Variants in MYO15B observed in about 807,000 individuals in gnomAD.
MYO15B encodes the protein myosin XVB pseudogene.
In MYO15B, 207 loss-of-function variants were observed where a neutral mutation model predicts 119.3. The observed-to-expected ratio is 1.73, with a 90% CI of 1.55 to 1.95. The LOEUF (loss-of-function observed/expected upper bound fraction) is 1.95, where lower values mean the gene tolerates loss of function less well. Ranked by LOEUF, MYO15B falls within the 30% of genes most tolerant of loss-of-function variation. MYO15B has a pLI of 0.00. For synonymous variants in MYO15B, 966 were observed against 498.9 expected, an observed-to-expected ratio of 1.94 and a Z score of -12.48; for missense variants, 2,264 against 1,203.1, an observed-to-expected ratio of 1.88 and a Z score of -13.04.
At chr17:75,596,216 G>A (rs1206503069) in intron 12 of MYO15B, among the ~76,000 whole-genome samples, 3 of 152,198 alleles carry the variant, frequency 2.0e-5, no homozygotes, top group Admixed American at 2.0e-4. Context: ...GTGACAAGAG[G>A]CCCAAAGGCT....
chr17:75,608,501 G>A lies in MYO15B; in HGVS notation c.4293-1665G>A, dbSNP rs541118246. Among the ~76,000 whole-genome samples, 23 of 152,054 alleles carry A rather than the reference G, an allele frequency of 1.5e-4. 1 individual carries two copies. In the South Asian group the frequency reaches 4.8e-3, roughly 32 times the overall value. On this transcript the variant is annotated intron_variant, in intron 21 of 63. Coordinates refer to ENST00000645453, the Ensembl canonical transcript of MYO15B. ...CTTGCTATATCATCCAAGTTGGAGT[G>A]CAGCTGGGTCACACCTGTAATCCCA...
chr17:75,615,623 G>A (rs906326682), intron 35 of MYO15B, 23 bp downstream of exon 35: 2 of 683,722 alleles, frequency 2.9e-6, no homozygotes, highest in Middle Eastern at 4.7e-4. Flanking sequence ...AGGGCCCTGG[G>A]GCCACCTGGT....
At chr17:75,615,263 C>G in exon 34 of MYO15B, 2 of 702,656 alleles carry the variant, frequency 2.8e-6, no homozygotes, top group Non-Finnish European at 5.2e-6. Context: ...GATTCAGATG[C>G]CTGCATACCA....
rs1330944846 is a variant in MYO15B at position 75,617,795 on chromosome 17, C to A, written c.6815-15C>A. On this transcript the variant is annotated splice_polypyrimidine_tract_variant and intron_variant, in intron 41 of 63. Transcript: ENST00000645453. ...AGCCCCTCACTGAGGCTCCTCACCC[C>A]CTCCTCTCTGCCAGGCTTGACACAG... The A allele has an allele frequency of 7.2e-6, 5 of 698,400 alleles. No homozygotes were observed. Among genetic ancestry groups the A allele is most frequent in the Admixed American group, 4.0e-5 (2 of 49,812 alleles). The allele number at this position is 698,400 out of a possible 1,614,324, so 43.3% of individuals were successfully genotyped here. A position where few individuals can be genotyped will look rare whatever the true frequency, so the allele number is the denominator to read the frequency against.
chr17:75,622,144 TC>T, intron 53 of MYO15B, 64 bp downstream of exon 53: 1 of 693,416 alleles, frequency 1.4e-6, no homozygotes, highest in East Asian at 2.7e-5. Flanking sequence ...CTGAAGGAGA[TC>T]CCCTTCTCTT....
At chr17:75,607,035 C>T (rs553177429) in intron 21 of MYO15B, 6 of 398,390 alleles carry the variant, frequency 1.5e-5, no homozygotes, top group Non-Finnish European at 2.7e-5. Flanking sequence ...GAGACGGGGC[C>T]TCCCAGGCTG....
chr17:75,606,203 C>CTT (rs1469943055), intron 21 of MYO15B, 182 bp downstream of exon 21: 1 of 499,880 alleles, frequency 2.0e-6, no homozygotes, highest in East Asian at 3.1e-5. Flanking sequence ...GCAGCCTCTG[C>CTT]TTGAATACCC....
intron 21 of MYO15B, among the ~76,000 whole-genome samples, chr17:75,607,300 C>G (rs935321699): frequency 6.6e-6 from 1 of 152,056 alleles, no homozygotes; most frequent in Non-Finnish European, 1.5e-5. Flanking sequence ...CTAGATACTT[C>G]CTGTAAGTTG....
chr17:75,618,239 G>C, intron 43 of MYO15B, 54 bp downstream of exon 43: 1 of 701,170 alleles, frequency 1.4e-6, no homozygotes, highest in Non-Finnish European at 2.6e-6. Flanking sequence ...AGCATCCTTC[G>C]TGCCCTTTGT....
At chr17:75,620,016 A>G in exon 47 of MYO15B, 1 of 700,886 alleles carries the variant, frequency 1.4e-6, no homozygotes, top group Non-Finnish European at 2.6e-6. Flanking sequence ...AATGAGCTTA[A>G]GAAGGTAAGT....
At chr17:75,620,714 G>A (rs897670549) in intron 49 of MYO15B, 78 bp downstream of exon 49, 16 of 691,472 alleles carry the variant, frequency 2.3e-5, no homozygotes, top group Admixed American at 1.0e-4. Flanking sequence ...GACCACTCCC[G>A]AGGCTGCCAT....
chr17:75,614,301 G>A, exon 30 of MYO15B: 2 of 702,910 alleles, frequency 2.8e-6, no homozygotes, highest in Non-Finnish European at 5.2e-6. Context: ...TGATCAGCCA[G>A]ACTGAGGACC....
intron 43 of MYO15B, among the ~76,000 whole-genome samples, 170 bp downstream of exon 43, chr17:75,618,355 C>T (rs2058502938): frequency 6.6e-6 from 1 of 152,228 alleles, no homozygotes; most frequent in Non-Finnish European, 1.5e-5. Context: ...CACAACATTC[C>T]TGAGAAGTAG....
rs1279329444 is a variant in MYO15B, at chr17:75,611,593, T to G, written c.4447-8T>G. ...GTGGATCCTGGGTAAATGAGTCCCC[T>G]CTGCCAGGAGCTGGGGCGCTTGGAG... On this transcript the variant is annotated splice_polypyrimidine_tract_variant and splice_region_variant and intron_variant, in intron 23 of 63. Transcript: ENST00000645453. 4.3e-6 allele frequency: 3 copies of G among 702,528 alleles called. No homozygotes were observed. Among genetic ancestry groups the G allele is most frequent in the Middle Eastern group, 2.3e-4 (1 of 4,366 alleles). The allele number at this position is 702,528 out of a possible 1,614,324, so 43.5% of individuals were successfully genotyped here.
exon 42 of MYO15B, chr17:75,617,871 C>T (rs1228360372): frequency 5.7e-6 from 4 of 702,794 alleles, no homozygotes; most frequent in Middle Eastern, 2.3e-4. Context: ...CCTCTGGCAG[C>T]GTGTGCTTCT....
Position 75,625,669 on chromosome 17 carries a change from G to C in MYO15B, c.8938+9G>C, listed in dbSNP as rs903391395. The C allele has an allele frequency of 5.7e-6, 4 of 702,776 alleles. No homozygotes were observed. The Admixed American group carries it at 6.0e-5, about 11-fold the overall frequency. 43.5% of individuals were successfully genotyped at this position (702,776 alleles called of 1,614,324 possible). A position where few individuals can be genotyped will look rare whatever the true frequency, so the allele number is the denominator to read the frequency against. On this transcript the variant is annotated intron_variant, in intron 61 of 63. Transcript: ENST00000645453. Reference sequence around the variant, plus strand: ...ACAGATCAGCTTCATTGGTGGGTCTGGGACTAGGGGACCGCTGGGTGGGGG... The same window carrying C: ...ACAGATCAGCTTCATTGGTGGGTCTCGGACTAGGGGACCGCTGGGTGGGGG...
At chr17:75,622,511 T>A (rs2058767525) in intron 53 of MYO15B, among the ~76,000 whole-genome samples, 1 of 152,142 alleles carries the variant, frequency 6.6e-6, no homozygotes, top group South Asian at 2.1e-4. Context: ...GGGGAGCGGA[T>A]GGTGGGTCCA....
exon 1 of MYO15B, chr17:75,588,424 G>A (rs2056198982): frequency 2.5e-6 from 1 of 398,460 alleles, no homozygotes; most frequent in Non-Finnish European, 4.4e-6. Flanking sequence ...AGAGCTGGGC[G>A]GCCGCCGTAG....
Position 75,589,575 on chromosome 17 carries a change from G to C in MYO15B, c.1518G>C (p.Gly506=). The C allele has an allele frequency of 2.5e-6, 1 of 398,924 alleles. No individual in the cohort carries two copies. The allele number at this position is 398,924 out of a possible 1,614,324, so 24.7% of individuals were successfully genotyped here. A position where few individuals can be genotyped will look rare whatever the true frequency, so the allele number is the denominator to read the frequency against. ...CGTTGCGCCTGGCTGGCTTAGCAGG[G>C]CTGGGGGGTATGCCGAGGGCTTCCC... Residue 506 remains glycine, a synonymous_variant, in exon 1 of 64, where the codon GGG becomes GGC. Transcript: ENST00000645453. The surrounding 1 kb of genome is among the most constrained non-coding windows in gnomAD (Gnocchi z 4.2).
Sources: allele counts gnomAD v4.1 joint callset (sites outside exome capture counted in the v4.1 genomes callset), GRCh38; gene constraint gnomAD v4.1.1; non-coding constraint Gnocchi (gnomAD v3.1); transcripts MANE v1.5; gene names NCBI Gene and HGNC (gene_info 2026-07-23, HGNC 2026-07-21).